KIAA1217: variants seen among roughly 807,000 people sequenced by gnomAD.
KIAA1217 encodes the protein sickle tail protein homolog.
In KIAA1217, 88 loss-of-function variants were observed where a neutral mutation model predicts 163.9. The ratio of observed to expected loss-of-function variants is 0.54; its 90% CI spans 0.45 to 0.64. The LOEUF is 0.64. Among genes scored for constraint, KIAA1217 ranks in the 30% least tolerant of loss-of-function variants. The pLI is 0.00. For synonymous variants in KIAA1217, 903 were observed against 923.1 expected (o/e 0.98, Z 0.39); for missense variants, 2,372 against 2,475.0 (o/e 0.96, Z 0.88).
intron 8 of KIAA1217, among the ~76,000 whole-genome samples, chr10:24,497,398 A>T (rs1380601783): frequency 6.6e-6 from 1 of 152,188 alleles, no homozygotes. Context: ...ACAGAAGCTC[A>T]GGGAGGTTAG....
chr10:24,042,073 C>T (rs1043564499), intron 2 of KIAA1217: 5 of 152,042 alleles, frequency 3.3e-5, no homozygotes, highest in Non-Finnish European at 7.4e-5. Context: ...CCACAGGTCC[C>T]GTAAATGGGC....
At chr10:24,325,334 G>A (rs2044728098) in intron 2 of KIAA1217, among the ~76,000 whole-genome samples, 1 of 152,192 alleles carries the variant, frequency 6.6e-6, no homozygotes, top group Admixed American at 6.5e-5. Context: ...GCAGGCGTCA[G>A]TTCCTGGCAT....
At chr10:23,725,562 A>G (rs376368281) in intron 1 of KIAA1217, among the ~76,000 whole-genome samples, 1 of 152,348 alleles carries the variant, frequency 6.6e-6, no homozygotes, top group East Asian at 1.9e-4. Flanking sequence ...TGAGAATATG[A>G]CATAATTAAA....
At chr10:24,227,400 C>T (rs536538972) in intron 2 of KIAA1217, among the ~76,000 whole-genome samples, 1 of 152,128 alleles carries the variant, frequency 6.6e-6, no homozygotes, top group African/African-American at 2.4e-5. Context: ...CTCAGATGGT[C>T]CACCTGCCTC....
At chr10:24,190,759 C>G (rs1301202296) in intron 2 of KIAA1217, among the ~76,000 whole-genome samples, 2 of 152,112 alleles carry the variant, frequency 1.3e-5, no homozygotes, top group African/African-American at 2.4e-5. Flanking sequence ...AAATGCCAGC[C>G]AGAGCTCTCC....
intron 2 of KIAA1217, among the ~76,000 whole-genome samples, chr10:24,019,550 A>T (rs934788900): frequency 6.6e-6 from 1 of 152,036 alleles, no homozygotes; most frequent in African/African-American, 2.4e-5. Flanking sequence ...AGGGGAGGGC[A>T]GACTTCTGTG....
At chr10:24,112,333 C>T (rs541732369) in intron 2 of KIAA1217, among the ~76,000 whole-genome samples, 1 of 152,256 alleles carries the variant, frequency 6.6e-6, no homozygotes, top group Admixed American at 6.5e-5. Flanking sequence ...TTCAACCACC[C>T]AGGAACAGAT....
rs117008760 is a variant in KIAA1217, at chr10:23,772,977, A to C, written c.-321+77743A>C. ...TTTGTTTCTGGTTTCTCTTCCTTTC[A>C]TGCTGTCCTGTAAACAGCCTGTTGC... On this transcript the variant is annotated intron_variant, in intron 1 of 18. Coordinates refer to the KIAA1217 transcript ENST00000376462. 3.2e-4 allele frequency among the ~76,000 whole-genome samples: 48 copies of C among 152,206 alleles called. 2 individuals carry two copies. In the East Asian group the frequency reaches 8.3e-3, roughly 26 times the overall value.
chr10:24,470,559 A>G (rs938826980), intron 5 of KIAA1217, among the ~76,000 whole-genome samples: 2 of 152,152 alleles, frequency 1.3e-5, no homozygotes, highest in Non-Finnish European at 2.9e-5. Context: ...ATCACAAGTT[A>G]GGTTTAGAGA....
intron 2 of KIAA1217, among the ~76,000 whole-genome samples, chr10:24,146,518 T>A (rs1259381947): frequency 6.6e-6 from 1 of 151,808 alleles, no homozygotes; most frequent in African/African-American, 2.4e-5. Flanking sequence ...AAACCCCAGC[T>A]CTACAAAAAA....
chr10:23,952,571 C>G (rs912219221), intron 1 of KIAA1217, among the ~76,000 whole-genome samples: 2 of 152,140 alleles, frequency 1.3e-5, no homozygotes, highest in Non-Finnish European at 2.9e-5. Context: ...CTCTTCCTGG[C>G]CATTTTCTCC....
chr10:24,342,525 G>T (rs1258122627), intron 2 of KIAA1217, among the ~76,000 whole-genome samples: 1 of 151,966 alleles, frequency 6.6e-6, no homozygotes, highest in African/African-American at 2.4e-5. Flanking sequence ...TATCCCAGTA[G>T]ATAGATGCAT....
intron 2 of KIAA1217, among the ~76,000 whole-genome samples, chr10:24,276,492 C>T (rs1186703898): frequency 6.6e-6 from 1 of 152,158 alleles, no homozygotes; most frequent in African/African-American, 2.4e-5. Flanking sequence ...GTCACCCAGG[C>T]TGGAGTGCAG....
intron 1 of KIAA1217, among the ~76,000 whole-genome samples, chr10:23,824,658 A>AAAAAAAAAAAT (rs1837805755): frequency 1.7e-4 from 9 of 53,054 alleles, no homozygotes; most frequent in Admixed American, 5.9e-4. Context: ...AAATAAAAAA[A>AAAAAAAAAAAT]ATATATATAT....
intron 2 of KIAA1217, among the ~76,000 whole-genome samples, chr10:24,057,179 G>A (rs550716672): frequency 6.6e-6 from 1 of 152,106 alleles, no homozygotes; most frequent in Non-Finnish European, 1.5e-5. Context: ...TCCAAGAGGT[G>A]GAGGCTGCAG....
At chr10:23,796,486 T>A (rs1836211645) in intron 1 of KIAA1217, among the ~76,000 whole-genome samples, 2 of 151,918 alleles carry the variant, frequency 1.3e-5, no homozygotes, top group African/African-American at 4.8e-5. Flanking sequence ...GCCTCAGCAT[T>A]CCTAGTAGCT....
chr10:24,064,725 C>T (rs1397076573), intron 2 of KIAA1217, among the ~76,000 whole-genome samples: 1 of 152,150 alleles, frequency 6.6e-6, no homozygotes, highest in Non-Finnish European at 1.5e-5. Flanking sequence ...GGTACCAGCT[C>T]CTCCTTGTAC....
intron 5 of KIAA1217, among the ~76,000 whole-genome samples, chr10:24,440,581 A>G (rs1413283209): frequency 6.6e-6 from 1 of 152,210 alleles, no homozygotes; most frequent in Non-Finnish European, 1.5e-5. Context: ...GACCGTATGA[A>G]CAAAGCTGAT....
At chr10:24,352,626 A>C (rs1438108674) in intron 2 of KIAA1217, among the ~76,000 whole-genome samples, 2 of 152,214 alleles carry the variant, frequency 1.3e-5, no homozygotes, top group East Asian at 3.9e-4. Flanking sequence ...TGAAAAAGTG[A>C]GTTACTGTTC....
Sources: allele counts gnomAD v4.1 joint callset (sites outside exome capture counted in the v4.1 genomes callset), GRCh38; gene constraint gnomAD v4.1.1; transcripts MANE v1.5; gene names NCBI Gene and HGNC (gene_info 2026-07-23, HGNC 2026-07-21).